GSE1: variants seen among roughly 807,000 people sequenced by gnomAD.
GSE1 encodes genetic suppressor element 1.
GSE1 carries 32 observed loss-of-function variants against 112.6 expected under a neutral mutation model. That is an observed-to-expected ratio of 0.28 (90% CI 0.21 to 0.38). GSE1 has a LOEUF of 0.38. Ranked by LOEUF, GSE1 falls within the 10% of genes least tolerant of loss-of-function variation. GSE1 has a pLI of 1.00. For synonymous variants in GSE1, 1,115 were observed against 735.6 expected, an observed-to-expected ratio of 1.52 and a Z score of -8.35; for missense variants, 2,348 against 1,699.2, an observed-to-expected ratio of 1.38 and a Z score of -6.71.
intron 3 of GSE1, among the ~76,000 whole-genome samples, chr16:85,651,156 C>T (rs142041116): frequency 1.3e-5 from 2 of 148,998 alleles, no homozygotes; most frequent in South Asian, 2.1e-4. Context: ...AAGCTGCCCA[C>T]AGATGCGCCC....
rs914813812 is a variant in GSE1 at position 85,204,752 on chromosome 16, C to G, written c.2283+32945C>G. On this transcript the variant is annotated intron_variant, in intron 1 of 2. Coordinates refer to the GSE1 transcript ENST00000637419. ...GGACTCCTGTTTCCCCAGCAGCAAG[C>G]TGAGCTCACAGGGTGGGGCTCACAT... is the stretch of plus-strand genomic sequence containing the variant. Among the ~76,000 whole-genome samples the G allele has an allele frequency of 6.6e-5, 10 of 152,364 alleles. No individual in the cohort carries two copies. In the South Asian group the frequency reaches 1.4e-3, roughly 22 times the overall value.
chr16:85,331,367 ATATATG>A (rs1245938023), intron 1 of GSE1, among the ~76,000 whole-genome samples: 1,924 of 98,222 alleles, frequency 0.02, 8 homozygotes, highest in Middle Eastern at 0.08. Context: ...GTGTGTGTGT[ATATATG>A]TATATATATG....
chr16:85,654,137 C>T (rs1316495529), intron 3 of GSE1, 141 bp from the exon 4 acceptor site: 3 of 747,672 alleles, frequency 4.0e-6, no homozygotes, highest in Admixed American at 2.8e-5. Context: ...CCATGTTTTG[C>T]GTAGAAAGCC....
At chr16:85,467,695 G>A (rs2050164212) in intron 2 of GSE1, among the ~76,000 whole-genome samples, 1 of 152,194 alleles carries the variant, frequency 6.6e-6, no homozygotes, top group African/African-American at 2.4e-5. Flanking sequence ...AAGGGATCAC[G>A]CAGCATCACT....
intron 1 of GSE1, among the ~76,000 whole-genome samples, chr16:85,173,660 A>C (rs1236434249): frequency 6.6e-6 from 1 of 152,166 alleles, no homozygotes; most frequent in Non-Finnish European, 1.5e-5. Context: ...AAAGTATCCA[A>C]ATTCTGGTGT....
rs1425668823 is a variant in GSE1 at position 85,270,552 on chromosome 16, C to T, written c.2284-86911C>T. ...TTTCAGAATCTGGAAACAATTAAAG[C>T]AGCCCAGTGGGGGCCGATTTTATTA... On this transcript the variant is annotated intron_variant, in intron 1 of 2. Transcript: ENST00000637419. 3.4e-5 allele frequency among the ~76,000 whole-genome samples: 5 copies of T among 148,942 alleles called. 1 individual carries two copies. Among genetic ancestry groups the T allele is most frequent in the Non-Finnish European group, 7.6e-5 (5 of 66,142 alleles).
chr16:85,291,791 C>A (rs1025279385), intron 1 of GSE1, among the ~76,000 whole-genome samples: 11 of 152,236 alleles, frequency 7.2e-5, no homozygotes, highest in Admixed American at 5.9e-4. Flanking sequence ...CTCCGTGGGG[C>A]CCATAACCTC....
At chr16:85,234,172 A>G (rs916504748) in intron 1 of GSE1, among the ~76,000 whole-genome samples, 6 of 152,126 alleles carry the variant, frequency 3.9e-5, no homozygotes, top group African/African-American at 1.2e-4. Flanking sequence ...CCAGGAAGGT[A>G]TCCACTCCCC....
upstream of GSE1, among the ~76,000 whole-genome samples, chr16:85,609,045 T>C (rs1896221937): frequency 6.6e-6 from 1 of 152,146 alleles, no homozygotes; most frequent in Admixed American, 6.5e-5. Flanking sequence ...TGCTCAGACT[T>C]AGTGAGGTTG....
At chr16:85,638,578 T>C (rs1179709847) in intron 2 of GSE1, among the ~76,000 whole-genome samples, 3 of 152,176 alleles carry the variant, frequency 2.0e-5, no homozygotes, top group Non-Finnish European at 4.4e-5. Context: ...TCGTGGGGAC[T>C]GGGTGGGAAT....
At position 85,671,455 on chromosome 16, in the gene GSE1, AAAG is replaced by A. The variant is rs1414805243; in HGVS notation, c.3519+359_3519+361del. Among the ~76,000 whole-genome samples the A allele has an allele frequency of 7.4e-5, 11 of 149,122 alleles. No individual in the cohort carries two copies. In the East Asian group the frequency reaches 1.2e-3, roughly 16 times the overall value. On this transcript the variant is annotated intron_variant, in intron 15 of 15. Transcript: ENST00000253458. ...ACTCCGTCTCAAAAAAAAAAAAAAA[AAAG>A]ATCAAAATTTGGACTGCATGCAATG...
chr16:85,184,519 C>A (rs2074660579), intron 1 of GSE1, among the ~76,000 whole-genome samples: 1 of 152,200 alleles, frequency 6.6e-6, no homozygotes, highest in African/African-American at 2.4e-5. Context: ...TCCCTCTTTC[C>A]CCCATGAGAG....
intron 2 of GSE1, among the ~76,000 whole-genome samples, chr16:85,428,847 C>T (rs564594554): frequency 2.6e-5 from 4 of 152,294 alleles, no homozygotes; most frequent in East Asian, 1.9e-4. Context: ...AGTAGACAAA[C>T]GCCTGGGGGG....
chr16:85,596,157 C>T lies in GSE1; in HGVS notation c.37+39794C>T, dbSNP rs115700614. On this transcript the variant is annotated intron_variant, in intron 1 of 2. Coordinates refer to the GSE1 transcript ENST00000635906. ...GGTAGGATCTTTTCTCTGGCAGAGA[C>T]GTGGCTGCCTCCCCCACCGCTGCAT... 7.5e-3 allele frequency among the ~76,000 whole-genome samples: 1,140 copies of T among 152,122 alleles called. 13 individuals carry two copies. Among genetic ancestry groups the T allele is most frequent in the African/African-American group, 0.026 (1,087 of 41,476 alleles).
chr16:85,426,542 A>ATGGC (rs2048996123), intron 2 of GSE1, among the ~76,000 whole-genome samples: 1 of 149,470 alleles, frequency 6.7e-6, no homozygotes, highest in Non-Finnish European at 1.5e-5. Context: ...GGATGGATGG[A>ATGGC]TGATTGAATG....
chr16:85,476,120 C>A (rs768261184), intron 2 of GSE1, among the ~76,000 whole-genome samples: 3 of 152,120 alleles, frequency 2.0e-5, no homozygotes, highest in Non-Finnish European at 4.4e-5. Context: ...TTTGTAGAGA[C>A]GGGATTTCGC....
chr16:85,221,350 C>A (rs575701224), intron 1 of GSE1, among the ~76,000 whole-genome samples: 1 of 151,886 alleles, frequency 6.6e-6, no homozygotes, highest in Non-Finnish European at 1.5e-5. Flanking sequence ...AGTACATGCA[C>A]ACACACACAC....
At chr16:85,638,167 C>T (rs925063910) in intron 2 of GSE1, among the ~76,000 whole-genome samples, 3 of 152,238 alleles carry the variant, frequency 2.0e-5, no homozygotes, top group Admixed American at 6.5e-5. Flanking sequence ...ATTGCCTCCG[C>T]GTCTCTCCTC....
chr16:85,456,523 C>G (rs2049828983), intron 2 of GSE1, among the ~76,000 whole-genome samples: 2 of 151,362 alleles, frequency 1.3e-5, no homozygotes, highest in South Asian at 4.2e-4. Context: ...GGACCAGGAC[C>G]CCGCTGCAAA....
Sources: allele counts gnomAD v4.1 joint callset (sites outside exome capture counted in the v4.1 genomes callset), GRCh38; gene constraint gnomAD v4.1.1; transcripts MANE v1.5; gene names NCBI Gene and HGNC (gene_info 2026-07-23, HGNC 2026-07-21).